Variants in PLAC1 observed in about 807,000 individuals in gnomAD.
PLAC1 encodes the protein placenta associated 1.
For missense variants in PLAC1, 136 were observed against 163.2 expected (o/e 0.83, Z 0.91); for synonymous variants, 68 against 62.1 (o/e 1.09, Z -0.44).
chrX:134,752,308 AC>A (rs2078746684), intron 1 of PLAC1, among the ~76,000 whole-genome samples: 1 of 111,644 alleles, frequency 9.0e-6, no homozygotes, highest in Non-Finnish European at 1.9e-5. Context: ...ATTGAGAACT[AC>A]ATAATAGCTA....
At chrX:134,593,252 C>G (rs1224058134) in intron 2 of PLAC1, among the ~76,000 whole-genome samples, 1 of 111,997 alleles carries the variant, frequency 8.9e-6, no homozygotes, top group African/African-American at 3.2e-5. Flanking sequence ...TTTCTGGGTT[C>G]TGTTCTGTTC....
At chrX:134,646,871 G>A (rs188759710) in intron 1 of PLAC1, among the ~76,000 whole-genome samples, 2 of 112,272 alleles carry the variant, frequency 1.8e-5, no homozygotes, top group East Asian at 2.8e-4. Flanking sequence ...AGACTAGACC[G>A]GGCTTGCAGA....
chrX:134,649,585 C>G (rs2078352393), intron 1 of PLAC1, among the ~76,000 whole-genome samples: 2 of 111,383 alleles, frequency 1.8e-5, no homozygotes, highest in African/African-American at 6.5e-5. Flanking sequence ...ATGTAAGTCA[C>G]CACTTCCTTG....
chrX:134,756,142 C>T (rs1320684083), intron 1 of PLAC1, among the ~76,000 whole-genome samples: 1 of 110,667 alleles, frequency 9.0e-6, no homozygotes, highest in African/African-American at 3.3e-5. Context: ...TGAGCCACCA[C>T]GCCCGGCCTT....
intron 1 of PLAC1, among the ~76,000 whole-genome samples, chrX:134,756,875 A>G (rs1215051723): frequency 1.8e-5 from 2 of 111,193 alleles, no homozygotes; most frequent in Non-Finnish European, 3.8e-5. Flanking sequence ...TTACATTTTC[A>G]TATATACTTG....
At chrX:134,761,600 A>C (rs2078770162) in intron 1 of PLAC1, among the ~76,000 whole-genome samples, 1 of 112,212 alleles carries the variant, frequency 8.9e-6, no homozygotes, top group African/African-American at 3.2e-5. Context: ...AGCTGGTAAC[A>C]CTGGTTGCTT....
chrX:134,639,631 G>C (rs185281398), intron 1 of PLAC1, among the ~76,000 whole-genome samples: 106 of 111,913 alleles, frequency 9.5e-4, no homozygotes, highest in African/African-American at 3.4e-3. Context: ...ATAATTAAGT[G>C]GCATTTAGTA....
At chrX:134,635,207 G>T (rs1473288261) in intron 1 of PLAC1, among the ~76,000 whole-genome samples, 1 of 111,826 alleles carries the variant, frequency 8.9e-6, no homozygotes, top group East Asian at 2.8e-4. Flanking sequence ...AAGCTGGGAG[G>T]TCATGTGAAT....
At chrX:134,719,130 G>A (rs929877390) in intron 2 of PLAC1, among the ~76,000 whole-genome samples, 2 of 111,726 alleles carry the variant, frequency 1.8e-5, no homozygotes, top group African/African-American at 6.5e-5. Context: ...CTTTTGTCAT[G>A]CTGAAAATGT....
chrX:134,667,022 C>T (rs2078439616), intron 2 of PLAC1, among the ~76,000 whole-genome samples: 1 of 112,057 alleles, frequency 8.9e-6, no homozygotes, highest in Non-Finnish European at 1.9e-5. Flanking sequence ...ACACCATGTG[C>T]AAAAATTAAA....
intron 2 of PLAC1, among the ~76,000 whole-genome samples, chrX:134,704,165 GA>G (rs1325720433): frequency 9.3e-6 from 1 of 107,970 alleles, no homozygotes; most frequent in South Asian, 4.1e-4. Flanking sequence ...AATCAAGGCA[GA>G]AAAAAATAAA....
At chrX:134,690,427 C>T (rs1602911525) in intron 2 of PLAC1, among the ~76,000 whole-genome samples, 1 of 111,287 alleles carries the variant, frequency 9.0e-6, no homozygotes, top group South Asian at 3.9e-4. Flanking sequence ...TTATTAGAAT[C>T]CCTCAGGTGG....
rs545736034 is a variant in PLAC1 at position 134,712,375 on chromosome X, T to C, written n.174+21060A>G. 3.6e-5 allele frequency among the ~76,000 whole-genome samples: 4 copies of C among 111,285 alleles called. No individual in the cohort carries two copies. In the South Asian group the frequency reaches 1.6e-3, roughly 43 times the overall value. Reference sequence around the variant, plus strand: ...ATTTCTATCTGTTTTTCAAGACAGATAAATGTGGTCCCGGCACAATCACCC... The same window carrying C: ...ATTTCTATCTGTTTTTCAAGACAGACAAATGTGGTCCCGGCACAATCACCC... On this transcript the variant is annotated intron_variant and non_coding_transcript_variant, in intron 2 of 2. Transcript: ENST00000466797.
At chrX:134,756,515 A>T (rs2078757603) in intron 1 of PLAC1, among the ~76,000 whole-genome samples, 1 of 111,245 alleles carries the variant, frequency 9.0e-6, no homozygotes, top group African/African-American at 3.3e-5. Context: ...GAATTTATTT[A>T]AAAAGTCCAT....
At chrX:134,568,519 C>T (rs1345702684) in intron 2 of PLAC1, among the ~76,000 whole-genome samples, 1 of 111,777 alleles carries the variant, frequency 8.9e-6, no homozygotes, top group Non-Finnish European at 1.9e-5. Context: ...TTAATGATTC[C>T]TCATTCTCTC....
chrX:134,744,373 A>G (rs1168825374), intron 1 of PLAC1, among the ~76,000 whole-genome samples: 1 of 111,277 alleles, frequency 9.0e-6, no homozygotes, highest in Non-Finnish European at 1.9e-5. Context: ...TCCCTTCGTT[A>G]TGATTCCTTA....
At chrX:134,603,487 G>A (rs1006043065) in intron 1 of PLAC1, among the ~76,000 whole-genome samples, 15 of 100,696 alleles carry the variant, frequency 1.5e-4, no homozygotes, top group East Asian at 3.1e-4. Context: ...ACAGGTGCCC[G>A]CCACCACGCC....
intron 2 of PLAC1, among the ~76,000 whole-genome samples, chrX:134,700,390 C>T (rs1390797807): frequency 7.2e-5 from 8 of 111,662 alleles, no homozygotes; most frequent in Non-Finnish European, 1.5e-4. Context: ...CTTTCCATTC[C>T]TCCTGTAAAA....
intron 2 of PLAC1, among the ~76,000 whole-genome samples, chrX:134,699,000 A>G (rs1345109005): frequency 1.8e-5 from 2 of 111,266 alleles, no homozygotes; most frequent in Admixed American, 9.6e-5. Flanking sequence ...TATTGAATCT[A>G]TCAAGTCTTT....
Sources: gnomAD v4.1 joint callset for allele counts (sites outside exome capture counted in the v4.1 genomes callset) on GRCh38, gnomAD v4.1.1 for gene constraint, MANE v1.5 for transcripts, NCBI Gene and HGNC (gene_info 2026-07-23, HGNC 2026-07-21) for gene names.